Variants in AGPAT4 observed in about 807,000 individuals in gnomAD.
AGPAT4 encodes 1-acylglycerol-3-phosphate O-acyltransferase 4.
A neutral mutation model predicts 48.0 loss-of-function variants in AGPAT4; 15 were observed. The ratio of observed to expected loss-of-function variants is 0.31; its 90% CI spans 0.21 to 0.48. The LOEUF (loss-of-function observed/expected upper bound fraction) is 0.48. Ranked by LOEUF, AGPAT4 falls within the 20% of genes least tolerant of loss-of-function variation. The pLI is 0.99. For missense variants in AGPAT4, 314 were observed against 482.5 expected, an observed-to-expected ratio of 0.65 and a Z score of 3.27; for synonymous variants, 178 against 198.7, an observed-to-expected ratio of 0.90 and a Z score of 0.88.
chr6:161,156,310 CT>C (rs1430837328), intron 3 of AGPAT4, among the ~76,000 whole-genome samples: 1 of 152,228 alleles, frequency 6.6e-6, no homozygotes, highest in Non-Finnish European at 1.5e-5. Context: ...GCCACACAGC[CT>C]CTTGTCCATG....
intron 2 of AGPAT4, among the ~76,000 whole-genome samples, chr6:161,170,289 A>T (rs1357591347): frequency 6.6e-6 from 1 of 152,098 alleles, no homozygotes; most frequent in African/African-American, 2.4e-5. Context: ...GGCCAATGAG[A>T]TGATGTCTAC....
chr6:161,130,690 G>A lies in AGPAT4; in HGVS notation c.*5850C>T, dbSNP rs567054539. On this transcript the variant is annotated 3_prime_UTR_variant, in exon 9 of 9. Transcript: ENST00000320285. ...CCGTGAACATCTGTTGACTGTGGGC[G>A]GCCTGGGCCAGCCTTGCTGTGTTTG... The A allele has an allele frequency of 1.1e-4, 35 of 319,450 alleles. No individual in the cohort carries two copies. The highest frequency in any genetic ancestry group is 1.3e-3 in the Middle Eastern group (2 of 1,598). 19.8% of individuals were successfully genotyped at this position (319,450 alleles called of 1,614,324 possible). A position where few individuals can be genotyped will look rare whatever the true frequency, so the allele number is the denominator to read the frequency against.
At position 161,195,176 on chromosome 6, in the gene AGPAT4, C is replaced by T. The variant is rs1781038027; in HGVS notation, c.179-28759G>A. Among the ~76,000 whole-genome samples, 1 of 152,092 alleles carries T rather than the reference C, an allele frequency of 6.6e-6. No homozygotes were observed. Among genetic ancestry groups the T allele is most frequent in the Admixed American group, 6.5e-5 (1 of 15,270 alleles). On this transcript the variant is annotated intron_variant, in intron 2 of 8. Coordinates refer to ENST00000320285, the MANE Select transcript of AGPAT4 (RefSeq NM_020133.3). This position sits in a 1 kb window ranked among gnomAD's most constrained non-coding sequence, Gnocchi z 5.0. ...TAAAATACAACTTAATTTAACCACACCAGAAACATAATTCAGAATTTGAAG... is the reference window on the plus strand; with the variant it reads ...TAAAATACAACTTAATTTAACCACATCAGAAACATAATTCAGAATTTGAAG...
Position 161,146,652 on chromosome 6 carries a change from TAC to T in AGPAT4, c.768-55_768-54del. 3 of 1,559,812 alleles carry T rather than the reference TAC, an allele frequency of 1.9e-6. No individual in the cohort carries two copies. Among genetic ancestry groups the T allele is most frequent in the South Asian group, 1.1e-5 (1 of 89,676 alleles). On this transcript the variant is annotated intron_variant, in intron 6 of 8. Coordinates refer to ENST00000320285, the MANE Select transcript of AGPAT4 (RefSeq NM_020133.3). The surrounding 1 kb of genome is among the most constrained non-coding windows in gnomAD (Gnocchi z 7.1). ...GAGGAGGTGATGCCCCCCTACAACA[TAC>T]AGTTTCCAGTAACGGTGCTGCCGTT...
At position 161,212,632 on chromosome 6, in the gene AGPAT4, C is replaced by A. The variant is rs1781550168; in HGVS notation, c.178+19404G>T. On this transcript the variant is annotated intron_variant, in intron 2 of 8. Transcript: ENST00000320285. The surrounding 1 kb of genome is among the most constrained non-coding windows in gnomAD (Gnocchi z 6.1). ...TGTAATTCTAATATGACTTAATGTACATTTTCAGTGATAATTATAATTTTT... is the reference window on the plus strand; with the variant it reads ...TGTAATTCTAATATGACTTAATGTAAATTTTCAGTGATAATTATAATTTTT... Among the ~76,000 whole-genome samples the A allele has an allele frequency of 6.6e-6, 1 of 152,098 alleles. No individual in the cohort carries two copies. The highest frequency in any genetic ancestry group is 2.1e-4 in the South Asian group (1 of 4,826).
At position 161,221,615 on chromosome 6, in the gene AGPAT4, A is replaced by G. The variant is rs1219964917; in HGVS notation, c.178+10421T>C. Among the ~76,000 whole-genome samples, 2 of 152,192 alleles carry G rather than the reference A, an allele frequency of 1.3e-5. No individual in the cohort carries two copies. The highest frequency in any genetic ancestry group is 2.9e-5 in the Non-Finnish European group (2 of 68,034). On this transcript the variant is annotated intron_variant, in intron 2 of 8. Coordinates refer to ENST00000320285, the MANE Select transcript of AGPAT4 (RefSeq NM_020133.3). The surrounding 1 kb of genome is among the most constrained non-coding windows in gnomAD (Gnocchi z 4.5). ...ACTGGATTCATTTCCTGGGGCTGCC[A>G]AAGGACCACAGACTGGGGAACTGAA...
chr6:161,253,430 A>G lies in AGPAT4; in HGVS notation c.-90+20508T>C, dbSNP rs751255387. Reference sequence around the variant, plus strand: ...CCACCATGCCCAGCTAATTTTTTGTATTTTTAGTAGAGACGGGGTTTCACG... The same window carrying G: ...CCACCATGCCCAGCTAATTTTTTGTGTTTTTAGTAGAGACGGGGTTTCACG... On this transcript the variant is annotated intron_variant, in intron 1 of 8. Coordinates refer to ENST00000320285, the MANE Select transcript of AGPAT4 (RefSeq NM_020133.3). 9.8e-4 allele frequency among the ~76,000 whole-genome samples: 148 copies of G among 150,460 alleles called. 1 individual carries two copies. The highest frequency in any genetic ancestry group is 1.4e-3 in the Non-Finnish European group (93 of 67,674).
In AGPAT4 at chr6:161,259,649, A is replaced by G. The variant is rs1303437467; in HGVS notation, c.-90+14289T>C. On this transcript the variant is annotated intron_variant, in intron 1 of 8. Transcript: ENST00000320285. The surrounding 1 kb of genome is among the most constrained non-coding windows in gnomAD (Gnocchi z 4.9). ...ACTATCAAGAATTTCAACAAGGGAG[A>G]GCAGAGCCTTACCCCAACTGTGGGG... Among the ~76,000 whole-genome samples the G allele has an allele frequency of 1.3e-5, 2 of 152,072 alleles. No individual in the cohort carries two copies. The highest frequency in any genetic ancestry group is 3.9e-4 in the East Asian group (2 of 5,136).
intron 2 of AGPAT4, among the ~76,000 whole-genome samples, chr6:161,185,249 T>G (rs1456293347): frequency 6.6e-6 from 1 of 151,586 alleles, no homozygotes; most frequent in Non-Finnish European, 1.5e-5. Context: ...TATATTCTTT[T>G]GATAATGACA....
chr6:161,193,419 T>G (rs779899595), intron 2 of AGPAT4, among the ~76,000 whole-genome samples: 7 of 152,232 alleles, frequency 4.6e-5, no homozygotes, highest in Non-Finnish European at 7.3e-5. Context: ...CAAGACTATC[T>G]GAAGCTAACA....
At position 161,140,846 on chromosome 6, in the gene AGPAT4, C is replaced by T. The variant is rs1322759575; in HGVS notation, c.844-1226G>A. On this transcript the variant is annotated intron_variant, in intron 7 of 8. Transcript: ENST00000320285. The surrounding 1 kb of genome is among the most constrained non-coding windows in gnomAD (Gnocchi z 6.5). ...TGCCTCAGCTATTGTAAAAGCTGCACGTGGCCGATAGCATGCACGCCACAC... is the reference window on the plus strand; with the variant it reads ...TGCCTCAGCTATTGTAAAAGCTGCATGTGGCCGATAGCATGCACGCCACAC... Among the ~76,000 whole-genome samples the T allele has an allele frequency of 6.6e-6, 1 of 152,182 alleles. No homozygotes were observed. Among genetic ancestry groups the T allele is most frequent in the Non-Finnish European group, 1.5e-5 (1 of 68,036 alleles).
rs1583305510 is a variant in AGPAT4 at position 161,178,241 on chromosome 6, A to T, written c.179-11824T>A. On this transcript the variant is annotated intron_variant, in intron 2 of 8. Transcript: ENST00000320285. This position sits in a 1 kb window ranked among gnomAD's most constrained non-coding sequence, Gnocchi z 5.1. ...TGCCCTGCCCCCAGAGGTGGAGTCTACAGAGGCATGCAGGCCTCCTTGAGC... is the reference window on the plus strand; with the variant it reads ...TGCCCTGCCCCCAGAGGTGGAGTCTTCAGAGGCATGCAGGCCTCCTTGAGC... Among the ~76,000 whole-genome samples the T allele has an allele frequency of 6.6e-6, 1 of 152,302 alleles. No individual in the cohort carries two copies. The highest frequency in any genetic ancestry group is 2.1e-4 in the South Asian group (1 of 4,826).
rs576446224 is a variant in AGPAT4, at chr6:161,137,297, A to G, written c.1043-663T>C. Among the ~76,000 whole-genome samples the G allele has an allele frequency of 4.6e-5, 7 of 152,318 alleles. No homozygotes were observed. The highest frequency in any genetic ancestry group is 7.3e-5 in the Non-Finnish European group (5 of 68,034). ...GAGGTCCTTGGGTGCAGGGCCCAAG[A>G]CTTAATCATTTGATGTGCTCAGCAC... is the stretch of plus-strand genomic sequence containing the variant. On this transcript the variant is annotated intron_variant, in intron 8 of 8. Transcript: ENST00000320285. This position sits in a 1 kb window ranked among gnomAD's most constrained non-coding sequence, Gnocchi z 6.1.
rs897498870 is a variant in AGPAT4 at position 161,205,673 on chromosome 6, C to T, written c.178+26363G>A. ...TATACAACTTCCCACTGGAAGATCA[C>T]AAAATATCAAAACACCAAGTTGAAA... On this transcript the variant is annotated intron_variant, in intron 2 of 8. Transcript: ENST00000320285. 1.0e-4 allele frequency among the ~76,000 whole-genome samples: 6 copies of T among 57,430 alleles called. No individual in the cohort carries two copies. The East Asian group carries it at 3.3e-3, about 31-fold the overall frequency. 37.7% of individuals were successfully genotyped at this position (57,430 alleles called of 152,430 possible).
At position 161,225,555 on chromosome 6, in the gene AGPAT4, C is replaced by A. The variant is rs1781954753; in HGVS notation, c.178+6481G>T. Among the ~76,000 whole-genome samples, 1 of 152,216 alleles carries A rather than the reference C, an allele frequency of 6.6e-6. No individual in the cohort carries two copies. The highest frequency in any genetic ancestry group is 2.4e-5 in the African/African-American group (1 of 41,458). On this transcript the variant is annotated intron_variant, in intron 2 of 8. Transcript: ENST00000320285. This position sits in a 1 kb window ranked among gnomAD's most constrained non-coding sequence, Gnocchi z 5.0. ...CCTGAGGTCTCCCAGGAGATACACC[C>A]CTTAGAACTAGAAAAGAAAAGAAGG...
In AGPAT4 at chr6:161,136,094, AT is replaced by A. The variant is rs958650685; in HGVS notation, c.*445del. On this transcript the variant is annotated 3_prime_UTR_variant, in exon 9 of 9. Transcript: ENST00000320285. ...ACAGATGACCCAGAAAAGCACTTTA[AT>A]TTTTTTTTCTTGGAGGCATAATTTA... 9.7e-4 allele frequency: 165 copies of A among 169,608 alleles called. 1 individual carries two copies. The highest frequency in any genetic ancestry group is 3.3e-4 in the Non-Finnish European group (26 of 79,130). 10.5% of individuals were successfully genotyped at this position (169,608 alleles called of 1,614,324 possible). A position where few individuals can be genotyped will look rare whatever the true frequency, so the allele number is the denominator to read the frequency against.
chr6:161,236,471 C>A lies in AGPAT4; in HGVS notation c.-89-4169G>T, dbSNP rs548772759. Among the ~76,000 whole-genome samples, 3 of 152,092 alleles carry A rather than the reference C, an allele frequency of 2.0e-5. No individual in the cohort carries two copies. Among genetic ancestry groups the A allele is most frequent in the African/African-American group, 7.2e-5 (3 of 41,424 alleles). Reference sequence around the variant, plus strand: ...ATTCACCCCATGACCTTGAGACACCCTAGGGATGGGAGTGCAGGAGGCCAA... The same window carrying A: ...ATTCACCCCATGACCTTGAGACACCATAGGGATGGGAGTGCAGGAGGCCAA... On this transcript the variant is annotated intron_variant, in intron 1 of 8. Coordinates refer to ENST00000320285, the MANE Select transcript of AGPAT4 (RefSeq NM_020133.3). This position sits in a 1 kb window ranked among gnomAD's most constrained non-coding sequence, Gnocchi z 5.0.
intron 2 of AGPAT4, among the ~76,000 whole-genome samples, chr6:161,191,283 T>A (rs1330435601): frequency 2.0e-5 from 3 of 152,176 alleles, no homozygotes; most frequent in African/African-American, 7.2e-5. Context: ...CAGGCCTGTG[T>A]CACTTCACAT....
At chr6:161,253,981 C>T (rs562146333) in intron 1 of AGPAT4, among the ~76,000 whole-genome samples, 1 of 152,164 alleles carries the variant, frequency 6.6e-6, no homozygotes, top group African/African-American at 2.4e-5. Flanking sequence ...CTGACATGCA[C>T]ACCTCTGATT....
Sources: allele counts gnomAD v4.1 joint callset (sites outside exome capture counted in the v4.1 genomes callset), GRCh38; gene constraint gnomAD v4.1.1; non-coding constraint Gnocchi (gnomAD v3.1); transcripts MANE v1.5; gene names NCBI Gene and HGNC (gene_info 2026-07-23, HGNC 2026-07-21).